Variants in ARFGAP1 observed in about 807,000 individuals in gnomAD.
The protein encoded by ARFGAP1 is ADP-ribosylation factor GTPase-activating protein 1.
ARFGAP1 carries 26 observed loss-of-function variants against 54.0 expected under a neutral mutation model. That is an observed-to-expected ratio of 0.48 (90% CI 0.35 to 0.67). ARFGAP1 has a LOEUF of 0.67. Among genes scored for constraint, ARFGAP1 ranks in the 30% least tolerant of loss-of-function variants. The pLI, the probability that ARFGAP1 is intolerant of heterozygous loss-of-function variation, is 0.00. For missense variants in ARFGAP1, 525 were observed against 535.8 expected (o/e 0.98, Z 0.20); for synonymous variants, 248 against 211.9 (o/e 1.17, Z -1.48).
At chr20:63,281,387 C>T (rs1299083241) in intron 8 of ARFGAP1, 40 bp downstream of exon 8, 6 of 1,565,364 alleles carry the variant, frequency 3.8e-6, no homozygotes, top group Non-Finnish European at 5.2e-6. Context: ...CCCCACCAGG[C>T]CCTCGGGACA....
intron 12 of ARFGAP1, chr20:63,286,835 G>T (rs1363425832): frequency 8.9e-6 from 2 of 224,072 alleles, no homozygotes; most frequent in Admixed American, 1.0e-4. Context: ...CTGTCTCCCA[G>T]ACTCTGGGTG....
intron 7 of ARFGAP1, chr20:63,279,453 G>T (rs1298542864): frequency 1.5e-5 from 5 of 329,972 alleles, no homozygotes; most frequent in Non-Finnish European, 2.3e-5. Flanking sequence ...TGATCTGTCC[G>T]CCTCGGCCTC....
At chr20:63,284,206 A>G in intron 9 of ARFGAP1, 1 of 1,262,006 alleles carries the variant, frequency 7.9e-7, no homozygotes, top group Non-Finnish European at 1.0e-6. Flanking sequence ...CACTGGGCGC[A>G]GAGCTGCTGA....
chr20:63,288,684 A>G lies in ARFGAP1; in HGVS notation c.*811A>G. 4 of 369,120 alleles carry G rather than the reference A, an allele frequency of 1.1e-5. No homozygotes were observed. Among genetic ancestry groups the G allele is most frequent in the South Asian group, 7.8e-5 (4 of 51,246 alleles). 22.9% of individuals were successfully genotyped at this position (369,120 alleles called of 1,614,324 possible). A position where few individuals can be genotyped will look rare whatever the true frequency, so the allele number is the denominator to read the frequency against. ...CAGGAGGGGCCGGGTTCAGGAGCTG[A>G]GCAGGGGATGCCTGTGCGTGGTGCC... is the stretch of plus-strand genomic sequence containing the variant. On this transcript the variant is annotated 3_prime_UTR_variant, in exon 13 of 13. Transcript: ENST00000370283.
intron 10 of ARFGAP1, 124 bp from the exon 11 acceptor site, chr20:63,285,530 C>T: frequency 9.9e-7 from 1 of 1,012,238 alleles, no homozygotes; most frequent in Non-Finnish European, 1.5e-6. Context: ...TGGGGCTCAG[C>T]CTGATGGGTA....
At position 63,285,635 on chromosome 20, in the gene ARFGAP1, G is replaced by A. The variant is rs113232571; in HGVS notation, c.775-19G>A. ...CATCTCTCCCGCCCCCATTAATGCC[G>A]CTGTCTTCATCCGTGCAGGTGAAGG... On this transcript the variant is annotated intron_variant, in intron 10 of 12. Transcript: ENST00000370283. 2.4e-5 allele frequency: 38 copies of A among 1,612,642 alleles called. No homozygotes were observed. In the Middle Eastern group the frequency reaches 5.0e-4, roughly 21 times the overall value.
intron 7 of ARFGAP1, among the ~76,000 whole-genome samples, chr20:63,281,027 G>C (rs915828338): frequency 2.6e-5 from 4 of 152,142 alleles, no homozygotes; most frequent in African/African-American, 4.8e-5. Flanking sequence ...CTTCTTGAGG[G>C]TGGTGGGAGC....
Position 63,276,866 on chromosome 20 carries a change from C to T in ARFGAP1, c.342+215C>T, listed in dbSNP as rs187936682. ...GGGGGAGACAGACCTTCCCCGCCTC[C>T]AGGGGAGAAAGCAGCTGTGACCGTT... On this transcript the variant is annotated intron_variant, in intron 4 of 12. Transcript: ENST00000370283. The surrounding 1 kb of genome is among the most constrained non-coding windows in gnomAD (Gnocchi z 5.2). The T allele has an allele frequency of 2.7e-3, 1,536 of 574,670 alleles. 19 individuals are homozygous for T. In the Middle Eastern group the frequency reaches 0.027, roughly 10 times the overall value. 35.6% of individuals were successfully genotyped at this position (574,670 alleles called of 1,614,324 possible). A position where few individuals can be genotyped will look rare whatever the true frequency, so the allele number is the denominator to read the frequency against.
At chr20:63,283,112 C>T (rs951144753) in intron 9 of ARFGAP1, 45 of 554,282 alleles carry the variant, frequency 8.1e-5, no homozygotes, top group Admixed American at 1.2e-4. Context: ...GTGGCCACTG[C>T]AGCCGGCCAC....
Position 63,287,937 on chromosome 20 carries a change from G to A in ARFGAP1, c.*64G>A, listed in dbSNP as rs1350334432. ...TTCGTGTTTGCACTCTGCCCTCGTC[G>A]TTCCTCCTCCTTCCATTTGACCCAA... On this transcript the variant is annotated 3_prime_UTR_variant, in exon 13 of 13. Transcript: ENST00000370283. 11 of 1,428,088 alleles carry A rather than the reference G, an allele frequency of 7.7e-6. No homozygotes were observed. Among genetic ancestry groups the A allele is most frequent in the Non-Finnish European group, 1.0e-5 (11 of 1,084,716 alleles). 88.5% of individuals were successfully genotyped at this position (1,428,088 alleles called of 1,614,324 possible).
chr20:63,284,923 G>A lies in ARFGAP1; in HGVS notation c.774+1G>A. ...CGTCCTCAAGCCTGCGCAGGAGAAG[G>A]TAACGGGCAGCTCCGGGTGGTTGTG... On this transcript the variant is annotated splice_donor_variant, in intron 10 of 12. Transcript: ENST00000370283. LOFTEE classifies it high-confidence loss of function. The A allele has an allele frequency of 6.2e-7, 1 of 1,613,284 alleles. No homozygotes were observed. Among genetic ancestry groups the A allele is most frequent in the Non-Finnish European group, 8.5e-7 (1 of 1,179,880 alleles).
intron 9 of ARFGAP1, chr20:63,284,537 G>C: frequency 8.3e-7 from 1 of 1,202,982 alleles, no homozygotes; most frequent in Non-Finnish European, 1.0e-6. Flanking sequence ...GCTGCAGCCG[G>C]CGTTGGCCTC....
At chr20:63,278,289 T>C (rs2123234956) in intron 6 of ARFGAP1, 86 bp downstream of exon 6, 2 of 1,412,230 alleles carry the variant, frequency 1.4e-6, no homozygotes, top group East Asian at 4.6e-5. Flanking sequence ...CCTTGGGGCC[T>C]CCCATGTGCA....
At chr20:63,286,538 G>T in intron 12 of ARFGAP1, 96 bp downstream of exon 12, 1 of 1,246,050 alleles carries the variant, frequency 8.0e-7, no homozygotes. Flanking sequence ...TCCTTGCTGG[G>T]GAGGGAAGGG....
At position 63,288,409 on chromosome 20, in the gene ARFGAP1, T is replaced by A. The variant is rs1361743186; in HGVS notation, c.*536T>A. 2.2e-6 allele frequency: 1 copy of A among 456,132 alleles called. No homozygotes were observed. Among genetic ancestry groups the A allele is most frequent in the Admixed American group, 2.3e-5 (1 of 42,574 alleles). The allele number at this position is 456,132 out of a possible 1,614,324, so 28.3% of individuals were successfully genotyped here. On this transcript the variant is annotated 3_prime_UTR_variant, in exon 13 of 13. Transcript: ENST00000370283. ...CATCCGACCACCCTCGGCTCCCGAG[T>A]CCACGCCTGCCTGGGCCTGTGCTGT... is the stretch of plus-strand genomic sequence containing the variant.
chr20:63,287,108 C>T (rs778123340), intron 12 of ARFGAP1, among the ~76,000 whole-genome samples: 1 of 152,260 alleles, frequency 6.6e-6, no homozygotes, highest in Non-Finnish European at 1.5e-5. Flanking sequence ...CTGCAGACGC[C>T]ATGTCCCTTC....
At chr20:63,279,957 G>T (rs1237643042) in intron 7 of ARFGAP1, among the ~76,000 whole-genome samples, 2 of 152,146 alleles carry the variant, frequency 1.3e-5, no homozygotes, top group East Asian at 3.9e-4. Flanking sequence ...TGGCCAATGT[G>T]GCGAAACCCC....
intron 9 of ARFGAP1, chr20:63,283,937 G>T: frequency 6.2e-7 from 1 of 1,608,378 alleles, no homozygotes; most frequent in Non-Finnish European, 8.5e-7. Context: ...AATGTGCTTG[G>T]CTTCCTCTGT....
At chr20:63,275,787 T>C (rs2067220444) in intron 2 of ARFGAP1, 147 bp downstream of exon 2, 1 of 842,018 alleles carries the variant, frequency 1.2e-6, no homozygotes, top group Non-Finnish European at 1.9e-6. Context: ...TTGTGCTGGC[T>C]GGTGGCCTGG....
Sources: allele counts gnomAD v4.1 joint callset (sites outside exome capture counted in the v4.1 genomes callset), GRCh38; gene constraint gnomAD v4.1.1; non-coding constraint Gnocchi (gnomAD v3.1); transcripts MANE v1.5; gene names NCBI Gene and HGNC (gene_info 2026-07-23, HGNC 2026-07-21).